The following SH3D19 variants were observed in gnomAD, a reference collection of about 807,000 sequenced individuals.
SH3D19 encodes SH3 domain-containing protein 19.
SH3D19 carries 58 observed loss-of-function variants against 112.1 expected under a neutral mutation model. The ratio of observed to expected loss-of-function variants is 0.52; its 90% CI spans 0.42 to 0.64. The LOEUF (loss-of-function observed/expected upper bound fraction) is 0.64, where lower values mean the gene tolerates loss of function less well. Among genes scored for constraint, SH3D19 ranks in the 30% least tolerant of loss-of-function variants. The pLI, the probability that SH3D19 is intolerant of heterozygous loss-of-function variation, is 0.00. For synonymous variants in SH3D19, 391 were observed against 448.5 expected, an observed-to-expected ratio of 0.87 and a Z score of 1.62; for missense variants, 1,090 against 1,263.4, an observed-to-expected ratio of 0.86 and a Z score of 2.08.
intron 3 of SH3D19, among the ~76,000 whole-genome samples, chr4:151,185,040 G>GTTTTT (rs66567240): frequency 1.5e-5 from 1 of 66,520 alleles, no homozygotes; most frequent in Admixed American, 1.8e-4. Context: ...GCTGTGTCCT[G>GTTTTT]TTTTTTTTTT....
At chr4:151,247,080 T>C (rs573051072) in intron 1 of SH3D19, among the ~76,000 whole-genome samples, 1 of 152,350 alleles carries the variant, frequency 6.6e-6, no homozygotes, top group East Asian at 1.9e-4. Context: ...ACTTTTCTTA[T>C]TTTTCTTTTG....
At chr4:151,128,059 C>T in intron 18 of SH3D19, 111 bp downstream of exon 18, 2 of 860,150 alleles carry the variant, frequency 2.3e-6, no homozygotes, top group Non-Finnish European at 3.3e-6. Flanking sequence ...TCAGCTCTTT[C>T]AAATATAGAC....
intron 19 of SH3D19, among the ~76,000 whole-genome samples, chr4:151,122,997 G>A (rs1748358359): frequency 6.6e-6 from 1 of 151,958 alleles, no homozygotes; most frequent in Non-Finnish European, 1.5e-5. Context: ...GGTTACAGGT[G>A]CCTGCCACCA....
chr4:151,163,043 G>C (rs936632999), intron 8 of SH3D19, among the ~76,000 whole-genome samples: 3 of 152,112 alleles, frequency 2.0e-5, no homozygotes, highest in Non-Finnish European at 4.4e-5. Context: ...TACCTGACCA[G>C]CCCCCAATAA....
intron 7 of SH3D19, among the ~76,000 whole-genome samples, chr4:151,167,530 A>G (rs1225990148): frequency 2.0e-5 from 3 of 152,070 alleles, no homozygotes; most frequent in Non-Finnish European, 4.4e-5. Context: ...ATTTTATATC[A>G]ATTTCTTTGT....
At chr4:151,200,217 C>CACATACAT (rs906662096) in intron 2 of SH3D19, among the ~76,000 whole-genome samples, 1 of 151,722 alleles carries the variant, frequency 6.6e-6, no homozygotes, top group East Asian at 1.9e-4. Context: ...AATGGACTAA[C>CACATACAT]ACATACATAC....
chr4:151,314,753 G>C (rs1729824706), intron 1 of SH3D19, among the ~76,000 whole-genome samples: 1 of 152,140 alleles, frequency 6.6e-6, no homozygotes, highest in Admixed American at 6.6e-5. Flanking sequence ...CCCATGTGGT[G>C]ACTCTATCTA....
chr4:151,286,031 A>T (rs1337783926), intron 1 of SH3D19, among the ~76,000 whole-genome samples: 2 of 137,934 alleles, frequency 1.4e-5, no homozygotes, highest in Admixed American at 1.4e-4. Context: ...CCCTATCTCT[A>T]AAAAAAAAAA....
rs6856037 is a variant in SH3D19 at position 151,162,099 on chromosome 4, T to C, written c.1643-2747A>G. Among the ~76,000 whole-genome samples the C allele has an allele frequency of 9.1e-3, 1,388 of 152,096 alleles. 26 individuals are homozygous for C. The highest frequency in any genetic ancestry group is 0.031 in the African/African-American group (1,285 of 41,456). On this transcript the variant is annotated intron_variant, in intron 8 of 19. Coordinates refer to ENST00000604030, the MANE Select transcript of SH3D19 (RefSeq NM_001378122.1). Reference sequence around the variant, plus strand: ...TTCACCTATCAACCCGTCATCCAGGTTTTAAGCCCCGCATGCATTAGGTAT... The same window carrying C: ...TTCACCTATCAACCCGTCATCCAGGCTTTAAGCCCCGCATGCATTAGGTAT...
At chr4:151,236,052 T>C (rs112328722) in intron 1 of SH3D19, among the ~76,000 whole-genome samples, 2,751 of 152,320 alleles carry the variant, frequency 0.018, 89 homozygotes, top group African/African-American at 0.063. Flanking sequence ...TAAATCAGTC[T>C]CCCCTCCAAT....
intron 1 of SH3D19, among the ~76,000 whole-genome samples, chr4:151,267,141 A>G (rs2149993834): frequency 6.9e-6 from 1 of 144,984 alleles, no homozygotes; most frequent in Non-Finnish European, 1.5e-5. Context: ...CAACATGGTG[A>G]GACTCAGTCT....
rs1284476954 is a variant in SH3D19 at position 151,137,859 on chromosome 4, T to G, written c.2300A>C (p.Gln767Pro). ...AVVLHDFPAEQVDDLNLTSGE... is the reference protein window; with the variant it reads ...AVVLHDFPAEPVDDLNLTSGE... ...AGAAGTGAGGTTCAAATCATCAACT[T>G]GCTCTGTAATATAAAATTATAGTTA... The change falls in exon 14 of 20, where the codon CAA becomes CCA. Residue 767 changes from glutamine to proline, a missense_variant. Gln to Pro is a moderately conservative substitution (Grantham distance 76, BLOSUM62 -1). Coordinates refer to ENST00000604030, the MANE Select transcript of SH3D19 (RefSeq NM_001378122.1). 3.8e-6 allele frequency: 6 copies of G among 1,592,692 alleles called. No individual in the cohort carries two copies. Among genetic ancestry groups the G allele is most frequent in the Middle Eastern group, 1.7e-4 (1 of 6,002 alleles).
intron 9 of SH3D19, among the ~76,000 whole-genome samples, chr4:151,152,062 A>T (rs1219716119): frequency 1.3e-5 from 2 of 152,188 alleles, no homozygotes; most frequent in African/African-American, 2.4e-5. Flanking sequence ...AATTTGCAAC[A>T]GTAAGAAAAT....
At chr4:151,152,546 G>T (rs1755248357) in intron 9 of SH3D19, among the ~76,000 whole-genome samples, 1 of 133,636 alleles carries the variant, frequency 7.5e-6, no homozygotes, top group Admixed American at 8.0e-5. Flanking sequence ...CTGAGATGGA[G>T]TCTCACTCTG....
At chr4:151,321,804 T>C (rs1730556915) in intron 1 of SH3D19, among the ~76,000 whole-genome samples, 1 of 152,196 alleles carries the variant, frequency 6.6e-6, no homozygotes. Flanking sequence ...GATCAGATAC[T>C]GAGCGTGTAC....
At chr4:151,303,575 C>T (rs1338151612) in intron 1 of SH3D19, among the ~76,000 whole-genome samples, 1 of 152,150 alleles carries the variant, frequency 6.6e-6, no homozygotes, top group Non-Finnish European at 1.5e-5. Flanking sequence ...ACTCCAGGCC[C>T]TCCTCGATTC....
At chr4:151,179,840 T>C (rs1301414985) in intron 3 of SH3D19, among the ~76,000 whole-genome samples, 1 of 152,222 alleles carries the variant, frequency 6.6e-6, no homozygotes, top group Admixed American at 6.5e-5. Flanking sequence ...CAAATTTTCA[T>C]CTTTTGTCTA....
At chr4:151,134,956 G>T in intron 15 of SH3D19, 118 bp downstream of exon 15, 1 of 758,504 alleles carries the variant, frequency 1.3e-6, no homozygotes, top group Non-Finnish European at 2.1e-6. Flanking sequence ...CCAAAGTACT[G>T]GGATACAGGT....
chr4:151,277,147 C>T lies in SH3D19; in HGVS notation c.112+48094G>A, dbSNP rs760384416. ...GAGCCTGAGTCCAGGAAGCAGGAAG[C>T]GCTCACTGGCTCTGAGGACAGAGAC... On this transcript the variant is annotated intron_variant, in intron 1 of 19. Coordinates refer to ENST00000604030, the MANE Select transcript of SH3D19 (RefSeq NM_001378122.1). The T allele has an allele frequency of 1.4e-5, 19 of 1,393,768 alleles. No individual in the cohort carries two copies. In the East Asian group the frequency reaches 2.4e-4, roughly 18 times the overall value. The allele number at this position is 1,393,768 out of a possible 1,614,324, so 86.3% of individuals were successfully genotyped here. A position where few individuals can be genotyped will look rare whatever the true frequency, so the allele number is the denominator to read the frequency against.
Sources: allele counts gnomAD v4.1 joint callset (sites outside exome capture counted in the v4.1 genomes callset), GRCh38; gene constraint gnomAD v4.1.1; transcripts MANE v1.5; gene names NCBI Gene and HGNC (gene_info 2026-07-23, HGNC 2026-07-21).